Variants in C21orf91 observed in about 807,000 individuals in gnomAD.
C21orf91 encodes the protein protein EURL homolog.
A neutral mutation model predicts 32.9 loss-of-function variants in C21orf91; 26 were observed. The observed-to-expected ratio is 0.79, with a 90% CI of 0.58 to 1.10. C21orf91 has a LOEUF of 1.10. Among genes scored for constraint, C21orf91 ranks in the 50% least tolerant of loss-of-function variants. The pLI is 0.00. For missense variants in C21orf91, 310 were observed against 341.3 expected (o/e 0.91, Z 0.72); for synonymous variants, 126 against 120.4 (o/e 1.05, Z -0.31).
Position 17,794,070 on chromosome 21 carries a change from T to C in C21orf91, c.728-489A>G, listed in dbSNP as rs975954918. Among the ~76,000 whole-genome samples, 42 of 152,208 alleles carry C rather than the reference T, an allele frequency of 2.8e-4. 1 individual carries two copies. The highest frequency in any genetic ancestry group is 6.2e-4 in the South Asian group (3 of 4,836). On this transcript the variant is annotated intron_variant, in intron 4 of 4. Transcript: ENST00000284881. ...CTTTTCTGTGTAACATTAATAATGA[T>C]AGTAAGCACTTCACCAGGCTACTGT...
chr21:17,796,994 T>C lies in C21orf91; in HGVS notation c.252A>G (p.Glu84=), dbSNP rs1568749647. ...TCTTACTCAAAATGGTTTTAACTTC[T>C]TCATAAGTACTTTTTGAAAGCTTAG... ...PRSKLSKSTY[E]EVKTILSKKI... Residue 84 remains glutamate, a synonymous_variant, in exon 3 of 5, where the codon GAA becomes GAG. Coordinates refer to ENST00000284881, the MANE Select transcript of C21orf91 (RefSeq NM_001100420.2). 1 of 1,613,690 alleles carries C rather than the reference T, an allele frequency of 6.2e-7. No individual in the cohort carries two copies. The highest frequency in any genetic ancestry group is 1.7e-5 in the Admixed American group (1 of 60,004).
At chr21:17,816,774 G>A (rs1324515390) in intron 2 of C21orf91, among the ~76,000 whole-genome samples, 2 of 152,150 alleles carry the variant, frequency 1.3e-5, no homozygotes, top group Non-Finnish European at 2.9e-5. Flanking sequence ...CAGCAACCCT[G>A]GGCAGTCCAA....
chr21:17,818,925 G>GGCCGGGACC (rs1439168406), intron 1 of C21orf91: 4 of 152,412 alleles, frequency 2.6e-5, no homozygotes, highest in Admixed American at 2.0e-4. Context: ...TCACGGTACC[G>GGCCGGGACC]GCCGGGCACC....
intron 4 of C21orf91, 74 bp downstream of exon 4, chr21:17,795,134 G>A (rs886921567): frequency 1.1e-6 from 1 of 893,570 alleles, no homozygotes; most frequent in African/African-American, 1.6e-5. Context: ...GATAAAGCCA[G>A]TGGTGTCCTA....
In C21orf91 at chr21:17,796,689, C is replaced by T. The variant is rs560313792; in HGVS notation, c.557G>A (p.Ser186Asn). The change falls in exon 3 of 5, where the codon AGT becomes AAT. Residue 186 changes from serine (S) to asparagine (N), a missense_variant. Ser to Asn is a conservative substitution (Grantham distance 46). Coordinates refer to ENST00000284881, the MANE Select transcript of C21orf91 (RefSeq NM_001100420.2). ...QDSGATLCRN[S>N]VLWPHSHNQA... ...GTTGTGACTATGAGGCCACAATACACTGTTACGACATAAAGTGGCACCTGA... is the reference window on the plus strand; with the variant it reads ...GTTGTGACTATGAGGCCACAATACATTGTTACGACATAAAGTGGCACCTGA... 141 of 1,613,672 alleles carry T rather than the reference C, an allele frequency of 8.7e-5. No homozygotes were observed. Among genetic ancestry groups the T allele is most frequent in the Admixed American group, 1.5e-4 (9 of 59,994 alleles).
intron 3 of C21orf91, 30 bp from the exon 4 acceptor site, chr21:17,795,300 CACA>C (rs1568748607): frequency 1.4e-6 from 2 of 1,462,042 alleles, no homozygotes; most frequent in Non-Finnish European, 1.9e-6. Context: ...TCACTATTAC[CACA>C]ACAACCTAGG....
At chr21:17,805,638 A>C (rs1237110270) in intron 2 of C21orf91, among the ~76,000 whole-genome samples, 1 of 152,156 alleles carries the variant, frequency 6.6e-6, no homozygotes, top group African/African-American at 2.4e-5. Context: ...TTAATATGGG[A>C]TATTACACTC....
intron 2 of C21orf91, among the ~76,000 whole-genome samples, chr21:17,805,319 A>G (rs1465289112): frequency 6.6e-6 from 1 of 152,060 alleles, no homozygotes; most frequent in African/African-American, 2.4e-5. Flanking sequence ...TGACTGACTG[A>G]TTGATTGATT....
Position 17,793,509 on chromosome 21 carries a change from A to C in C21orf91, c.800T>G (p.Val267Gly). The change falls in exon 5 of 5, where the codon GTT (valine) becomes GGT (glycine). Residue 267 changes from valine to glycine, a missense_variant. Coordinates refer to ENST00000284881, the MANE Select transcript of C21orf91 (RefSeq NM_001100420.2). ...SLASQLHVRH[V>G]AIEQLLKNCS... Reference sequence around the variant, plus strand: ...GTTCTTCAGAAGCTGTTCGATGGCAACGTGGCGGACATGGAGCTGTGAGGC... The same window carrying C: ...GTTCTTCAGAAGCTGTTCGATGGCACCGTGGCGGACATGGAGCTGTGAGGC... 6.2e-7 allele frequency: 1 copy of C among 1,613,732 alleles called. No homozygotes were observed. Among genetic ancestry groups the C allele is most frequent in the Non-Finnish European group, 8.5e-7 (1 of 1,179,748 alleles).
chr21:17,803,283 G>A lies in C21orf91; in HGVS notation c.128-6165C>T, dbSNP rs985211611. 2.6e-5 allele frequency among the ~76,000 whole-genome samples: 4 copies of A among 152,174 alleles called. No homozygotes were observed. In the East Asian group the frequency reaches 7.7e-4, roughly 29 times the overall value. ...TGCCTATAATCCCAGCACTTTGGGA[G>A]GCCAAGCCAGGTGGACTGCCTGACC... On this transcript the variant is annotated intron_variant, in intron 2 of 4. Transcript: ENST00000284881.
At chr21:17,813,802 G>C (rs1322697487) in intron 2 of C21orf91, 1 of 152,122 alleles carries the variant, frequency 6.6e-6, no homozygotes, top group Non-Finnish European at 1.5e-5. Context: ...TTTTGATTTT[G>C]AATGCTCAAC....
intron 2 of C21orf91, among the ~76,000 whole-genome samples, chr21:17,801,372 G>A (rs1382312551): frequency 6.6e-6 from 1 of 151,746 alleles, no homozygotes; most frequent in Non-Finnish European, 1.5e-5. Flanking sequence ...CCAGGTTCAT[G>A]TCATTCTCCT....
At chr21:17,817,203 A>C (rs1359034944) in intron 2 of C21orf91, among the ~76,000 whole-genome samples, 1 of 152,188 alleles carries the variant, frequency 6.6e-6, no homozygotes, top group Non-Finnish European at 1.5e-5. Context: ...AGAAATCCAT[A>C]ATCTTCCATC....
chr21:17,795,962 A>G (rs925818099), intron 3 of C21orf91, among the ~76,000 whole-genome samples: 1 of 152,228 alleles, frequency 6.6e-6, no homozygotes, highest in African/African-American at 2.4e-5. Flanking sequence ...TGCAGTTTGA[A>G]AAATAAATTT....
At position 17,790,151 on chromosome 21, in the gene C21orf91, G is replaced by GA. The variant is rs1289949619; in HGVS notation, c.*3263dup. 6.6e-6 allele frequency: 1 copy of GA among 151,946 alleles called. No individual in the cohort carries two copies. The highest frequency in any genetic ancestry group is 1.5e-5 in the Non-Finnish European group (1 of 67,910). 9.4% of individuals were successfully genotyped at this position (151,946 alleles called of 1,614,324 possible). On this transcript the variant is annotated 3_prime_UTR_variant, in exon 5 of 5. Transcript: ENST00000284881. ...TAACCCACTTTATGGTCACTAACCT[G>GA]AACCTCCTAATAAGCTACACAAATA...
At chr21:17,798,703 A>G (rs1250184860) in intron 2 of C21orf91, among the ~76,000 whole-genome samples, 1 of 152,210 alleles carries the variant, frequency 6.6e-6, no homozygotes, top group Non-Finnish European at 1.5e-5. Context: ...TCAAAGCTTT[A>G]TTTGATAATA....
At chr21:17,818,378 G>A in intron 1 of C21orf91, 53 bp from the exon 2 acceptor site, 1 of 1,486,616 alleles carries the variant, frequency 6.7e-7, no homozygotes, top group Non-Finnish European at 9.1e-7. Flanking sequence ...CTGCCTTTGG[G>A]GTAGTTCCCT....
chr21:17,815,915 C>A (rs1057017792), intron 2 of C21orf91, among the ~76,000 whole-genome samples: 1 of 152,168 alleles, frequency 6.6e-6, no homozygotes, highest in Admixed American at 6.5e-5. Flanking sequence ...CTGCCTTGGC[C>A]TCCCAAAATG....
In C21orf91 at chr21:17,792,599, G is replaced by A. The variant is rs147214358; in HGVS notation, c.*816C>T. 25 of 152,218 alleles carry A rather than the reference G, an allele frequency of 1.6e-4. No homozygotes were observed. The highest frequency in any genetic ancestry group is 3.3e-4 in the Admixed American group (5 of 15,280). The allele number at this position is 152,218 out of a possible 1,614,324, so 9.4% of individuals were successfully genotyped here. The stretch of plus-strand genomic sequence containing the variant: ...ATTCTAATGCATCACAGTCACTGGT[G>A]TGAAGCTAATAATGAAAGAAGCAAG... On this transcript the variant is annotated 3_prime_UTR_variant, in exon 5 of 5. Coordinates refer to ENST00000284881, the MANE Select transcript of C21orf91 (RefSeq NM_001100420.2).
Sources: gnomAD v4.1 joint callset for allele counts (sites outside exome capture counted in the v4.1 genomes callset) on GRCh38, gnomAD v4.1.1 for gene constraint, MANE v1.5 for transcripts, NCBI Gene and HGNC (gene_info 2026-07-23, HGNC 2026-07-21) for gene names.